CORO1C: variants seen among roughly 807,000 people sequenced by gnomAD.
CORO1C encodes coronin-1C.
In CORO1C, 14 loss-of-function variants were observed where a neutral mutation model predicts 51.2. The ratio of observed to expected loss-of-function variants is 0.27; its 90% CI spans 0.18 to 0.43. The LOEUF is 0.43. Among genes scored for constraint, CORO1C ranks in the 20% least tolerant of loss-of-function variants. CORO1C has a pLI of 1.00. For synonymous variants in CORO1C, 181 were observed against 210.5 expected, an observed-to-expected ratio of 0.86 and a Z score of 1.21; for missense variants, 417 against 607.8, an observed-to-expected ratio of 0.69 and a Z score of 3.30.
intron 2 of CORO1C, among the ~76,000 whole-genome samples, chr12:108,698,621 G>C (rs1419779125): frequency 1.3e-5 from 2 of 152,314 alleles, no homozygotes; most frequent in East Asian, 3.9e-4. Flanking sequence ...TGTCCAGGCT[G>C]GTCTCGAACT....
chr12:108,710,886 G>T (rs2035161636), intron 1 of CORO1C, among the ~76,000 whole-genome samples: 1 of 152,088 alleles, frequency 6.6e-6, no homozygotes, highest in Non-Finnish European at 1.5e-5. Context: ...CATGTTGGGT[G>T]AATATTTTAA....
chr12:108,723,586 G>A (rs188974821), intron 1 of CORO1C, among the ~76,000 whole-genome samples: 56 of 152,322 alleles, frequency 3.7e-4, no homozygotes, highest in African/African-American at 1.2e-3. Context: ...CTCAGCAGTT[G>A]TTGAGACATG....
chr12:108,652,049 T>G, intron 8 of CORO1C: 1 of 266,358 alleles, frequency 3.8e-6, no homozygotes, highest in Non-Finnish European at 6.6e-6. Flanking sequence ...GAGATTTTTT[T>G]CTTTTCTTTT....
intron 6 of CORO1C, 83 bp from the exon 7 acceptor site, chr12:108,654,493 C>G: frequency 1.4e-6 from 1 of 725,472 alleles, no homozygotes; most frequent in Non-Finnish European, 2.2e-6. Context: ...ATTATATATT[C>G]TTCTATCCCA....
At chr12:108,685,834 T>C (rs1283555162) in intron 2 of CORO1C, among the ~76,000 whole-genome samples, 1 of 152,098 alleles carries the variant, frequency 6.6e-6, no homozygotes, top group Non-Finnish European at 1.5e-5. Context: ...GTGAAGACAG[T>C]ATGGGGGTAG....
intron 2 of CORO1C, 111 bp downstream of exon 2, chr12:108,701,013 A>ACT (rs374814179): frequency 0.028 from 33,801 of 1,201,456 alleles, 609 homozygotes; most frequent in Non-Finnish European, 0.034. Context: ...CAATTACATC[A>ACT]GAGTCTAATG....
intron 2 of CORO1C, among the ~76,000 whole-genome samples, chr12:108,680,780 G>A (rs1258249825): frequency 6.6e-6 from 1 of 152,100 alleles, no homozygotes; most frequent in Non-Finnish European, 1.5e-5. Flanking sequence ...CTTAAAGAAC[G>A]ACCAGCTACT....
chr12:108,650,164 CAGATAAACCAAAAA>C (rs1210998282), intron 8 of CORO1C, among the ~76,000 whole-genome samples: 1 of 148,200 alleles, frequency 6.7e-6, no homozygotes, highest in Non-Finnish European at 1.5e-5. Flanking sequence ...AAAAGAGTCC[CAGATAAACCAAAAA>C]CCTTTTTTTT....
At chr12:108,695,057 G>C (rs528818233) in intron 2 of CORO1C, among the ~76,000 whole-genome samples, 4 of 152,190 alleles carry the variant, frequency 2.6e-5, no homozygotes. Flanking sequence ...CTCTGGCCCA[G>C]GGTTTTTCAC....
At chr12:108,655,996 C>T (rs2032957681) in intron 6 of CORO1C, among the ~76,000 whole-genome samples, 1 of 151,054 alleles carries the variant, frequency 6.6e-6, no homozygotes, top group East Asian at 2.0e-4. Context: ...TCCGCCGCCC[C>T]GTCTGGGATG....
rs150745751 is a variant in CORO1C, at chr12:108,705,924, T to G, written c.-5-4601A>C. 2.9e-3 allele frequency among the ~76,000 whole-genome samples: 438 copies of G among 152,158 alleles called. 2 individuals carry two copies. Among genetic ancestry groups the G allele is most frequent in the African/African-American group, 9.7e-3 (402 of 41,524 alleles). On this transcript the variant is annotated intron_variant, in intron 1 of 10. Transcript: ENST00000261401. ...ATTTGAGGCTGGGCATGGTGGCTCATGCCTGTAATCCCAACACTTTGGGAG... is the reference window on the plus strand; with the variant it reads ...ATTTGAGGCTGGGCATGGTGGCTCAGGCCTGTAATCCCAACACTTTGGGAG...
chr12:108,657,376 G>A lies in CORO1C; in HGVS notation c.678C>T (p.Phe226=), dbSNP rs1359816288. ...TGGTGAAGACATTGCCATCGGCCAG[G>A]AAGATGGCTCTCATGGGTCTTGCTC... is the stretch of plus-strand genomic sequence containing the variant. ...HEGARPMRAI[F]LADGNVFTTG... The change falls in exon 6 of 11, where the codon TTC becomes TTT. Residue 226 remains phenylalanine, a synonymous_variant. Coordinates refer to ENST00000261401, the MANE Select transcript of CORO1C (RefSeq NM_014325.4). 1.2e-6 allele frequency: 2 copies of A among 1,614,124 alleles called. No individual in the cohort carries two copies. The highest frequency in any genetic ancestry group is 1.7e-5 in the Admixed American group (1 of 60,028).
At chr12:108,688,456 G>GA (rs1368046611) in intron 2 of CORO1C, among the ~76,000 whole-genome samples, 1 of 152,070 alleles carries the variant, frequency 6.6e-6, no homozygotes, top group African/African-American at 2.4e-5. Flanking sequence ...CCAAACTCTC[G>GA]AAATTCAACA....
chr12:108,687,813 A>T (rs961817938), intron 2 of CORO1C, among the ~76,000 whole-genome samples: 8 of 152,128 alleles, frequency 5.3e-5, no homozygotes, highest in Non-Finnish European at 1.0e-4. Flanking sequence ...AATTAAAATT[A>T]AAAAAAGAAA....
intron 2 of CORO1C, 68 bp from the exon 3 acceptor site, chr12:108,678,462 C>T (rs1306702421): frequency 2.3e-6 from 3 of 1,326,006 alleles, no homozygotes; most frequent in Non-Finnish European, 3.0e-6. Context: ...TTTTCTCAGG[C>T]CCATTTCTCA....
At chr12:108,690,828 CAGA>C (rs1474299674) in intron 2 of CORO1C, among the ~76,000 whole-genome samples, 4 of 152,160 alleles carry the variant, frequency 2.6e-5, no homozygotes, top group African/African-American at 7.2e-5. Context: ...AGCTGAAAAG[CAGA>C]AGAACTACAG....
intron 2 of CORO1C, among the ~76,000 whole-genome samples, chr12:108,699,343 G>A (rs1406250117): frequency 6.6e-6 from 1 of 152,202 alleles, no homozygotes; most frequent in Non-Finnish European, 1.5e-5. Flanking sequence ...CTTTGTGGAT[G>A]TGAAAGTTGA....
chr12:108,674,552 T>TTA lies in CORO1C; in HGVS notation c.318+3719_318+3720insTA, dbSNP rs1234851492. The stretch of plus-strand genomic sequence containing the variant: ...GACAGAGCGAGACTCCGTCTCAATT[T>TTA]AAAAAAAAAAAAAAAAAAAACCTTC... On this transcript the variant is annotated intron_variant, in intron 3 of 10. Transcript: ENST00000261401. 3.0e-5 allele frequency among the ~76,000 whole-genome samples: 4 copies of TTA among 132,598 alleles called. No homozygotes were observed. In the East Asian group the frequency reaches 8.7e-4, roughly 29 times the overall value. 87.0% of individuals were successfully genotyped at this position (132,598 alleles called of 152,430 possible).
chr12:108,709,738 T>A (rs992761190), intron 1 of CORO1C, among the ~76,000 whole-genome samples: 1 of 151,274 alleles, frequency 6.6e-6, no homozygotes, highest in African/African-American at 2.4e-5. Context: ...AAAAAAAGAG[T>A]AAATGAAAAA....
Sources: allele counts gnomAD v4.1 joint callset (sites outside exome capture counted in the v4.1 genomes callset), GRCh38; gene constraint gnomAD v4.1.1; transcripts MANE v1.5; gene names NCBI Gene and HGNC (gene_info 2026-07-23, HGNC 2026-07-21).